KCNIP4: variants seen among roughly 807,000 people sequenced by gnomAD.
KCNIP4 encodes Kv channel-interacting protein 4.
Under a neutral mutation model 34.0 loss-of-function variants are expected in KCNIP4, and 12 were observed. That is an observed-to-expected ratio of 0.35 (90% CI 0.23 to 0.57). The LOEUF is 0.57. Ranked by LOEUF, KCNIP4 falls within the 20% of genes least tolerant of loss-of-function variation. KCNIP4 has a pLI of 0.83. For synonymous variants in KCNIP4, 124 were observed against 102.2 expected (o/e 1.21, Z -1.29); for missense variants, 238 against 311.7 (o/e 0.76, Z 1.78).
intron 1 of KCNIP4, among the ~76,000 whole-genome samples, chr4:21,225,911 C>T (rs1040612765): frequency 7.2e-5 from 11 of 152,066 alleles, no homozygotes; most frequent in African/African-American, 2.7e-4. Flanking sequence ...TGAAACCATA[C>T]TTATTATCAA....
intron 1 of KCNIP4, chr4:21,316,390 GA>G (rs1381823282): frequency 2.6e-5 from 4 of 152,194 alleles, no homozygotes; most frequent in African/African-American, 9.7e-5. Flanking sequence ...ATGCTATCTG[GA>G]GGGTACAAGG....
At chr4:21,252,219 C>T (rs1233015547) in intron 1 of KCNIP4, among the ~76,000 whole-genome samples, 1 of 151,198 alleles carries the variant, frequency 6.6e-6, no homozygotes, top group Non-Finnish European at 1.5e-5. Context: ...TCTCCGCCTC[C>T]CGAGTTCAAG....
rs532778422 is a variant in KCNIP4, at chr4:20,996,699, C to G, written c.62-113990G>C. Among the ~76,000 whole-genome samples the G allele has an allele frequency of 1.6e-4, 25 of 152,294 alleles. 1 individual carries two copies. Among genetic ancestry groups the G allele is most frequent in the African/African-American group, 5.5e-4 (23 of 41,562 alleles). ...TGTTTTTGTCACCACTCCCTGGTTC[C>G]TCTTGATCAAATTGCTGTTTTTTTA... is the stretch of plus-strand genomic sequence containing the variant. On this transcript the variant is annotated intron_variant, in intron 1 of 8. Coordinates refer to ENST00000382152, the MANE Select transcript of KCNIP4 (RefSeq NM_025221.6).
At chr4:21,108,822 G>A (rs1406856207) in intron 1 of KCNIP4, among the ~76,000 whole-genome samples, 1 of 152,156 alleles carries the variant, frequency 6.6e-6, no homozygotes, top group Non-Finnish European at 1.5e-5. Flanking sequence ...TGACAGACAG[G>A]ACCCTCAGCT....
Position 20,781,315 on chromosome 4 carries a change from T to C in KCNIP4, c.289-22425A>G, listed in dbSNP as rs993440404. On this transcript the variant is annotated intron_variant, in intron 3 of 8. Transcript: ENST00000382152. ...CACTAGATCTCTATTAAATCCCTAC[T>C]GTAAGCCAGGTACAAATAAATGAGA... Among the ~76,000 whole-genome samples, 10 of 152,336 alleles carry C rather than the reference T, an allele frequency of 6.6e-5. No homozygotes were observed. In the South Asian group the frequency reaches 2.1e-3, roughly 32 times the overall value.
intron 1 of KCNIP4, among the ~76,000 whole-genome samples, chr4:21,674,661 C>T (rs1749752429): frequency 6.6e-6 from 1 of 152,042 alleles, no homozygotes; most frequent in South Asian, 2.1e-4. Flanking sequence ...AACTTGTTCC[C>T]TTGTTCTTAT....
intron 1 of KCNIP4, among the ~76,000 whole-genome samples, chr4:21,564,614 T>C (rs1739698759): frequency 6.6e-6 from 1 of 152,062 alleles, no homozygotes; most frequent in South Asian, 2.1e-4. Context: ...TGTAATTCCG[T>C]GTCTTAGTCT....
intron 1 of KCNIP4, among the ~76,000 whole-genome samples, chr4:21,840,101 G>A (rs1488687121): frequency 6.6e-6 from 1 of 151,898 alleles, no homozygotes; most frequent in Non-Finnish European, 1.5e-5. Context: ...AAGCACCGCG[G>A]AGGTAAGTTC....
chr4:21,087,145 AATGTGTGTGTGTGTGTGTGTGT>A lies in KCNIP4; in HGVS notation c.62-204458_62-204437del, dbSNP rs1320984708. 9.3e-3 allele frequency among the ~76,000 whole-genome samples: 653 copies of A among 70,298 alleles called. 5 individuals are homozygous for A. Among genetic ancestry groups the A allele is most frequent in the African/African-American group, 0.03 (621 of 20,404 alleles). The allele number at this position is 70,298 out of a possible 152,430, so 46.1% of individuals were successfully genotyped here. A position where few individuals can be genotyped will look rare whatever the true frequency, so the allele number is the denominator to read the frequency against. ...CAGGCATGCACCACCACTGCTGGGT[AATGTGTGTGTGTGTGTGTGTGT>A]GTGTGTGTGTGTGTGTGTGTGTGTT... is the stretch of plus-strand genomic sequence containing the variant. On this transcript the variant is annotated intron_variant, in intron 1 of 8. Transcript: ENST00000382152.
chr4:21,702,399 C>T (rs1014653183), intron 1 of KCNIP4, among the ~76,000 whole-genome samples: 9 of 151,996 alleles, frequency 5.9e-5, no homozygotes, highest in South Asian at 2.1e-4. Flanking sequence ...TGAGAGGTTA[C>T]GACTTTACAT....
At chr4:21,557,856 C>T (rs765432059) in intron 1 of KCNIP4, among the ~76,000 whole-genome samples, 4 of 152,174 alleles carry the variant, frequency 2.6e-5, no homozygotes, top group South Asian at 2.1e-4. Flanking sequence ...AAACAACTTA[C>T]GAAGGAAGAT....
chr4:21,683,810 C>T (rs1750592898), intron 1 of KCNIP4, among the ~76,000 whole-genome samples: 1 of 152,044 alleles, frequency 6.6e-6, no homozygotes, highest in Admixed American at 6.6e-5. Context: ...AGCTGGAGGT[C>T]ATTATCCTTA....
chr4:21,064,408 A>C (rs1744178410), intron 1 of KCNIP4, among the ~76,000 whole-genome samples: 1 of 152,076 alleles, frequency 6.6e-6, no homozygotes, highest in Admixed American at 6.6e-5. Flanking sequence ...TCACAGGAAA[A>C]AAAAAAAAAG....
At chr4:20,795,022 T>G (rs1363433893) in intron 3 of KCNIP4, among the ~76,000 whole-genome samples, 1 of 152,222 alleles carries the variant, frequency 6.6e-6, no homozygotes, top group African/African-American at 2.4e-5. Flanking sequence ...GTGGGACTTT[T>G]GCAGTAATTT....
intron 1 of KCNIP4, among the ~76,000 whole-genome samples, chr4:21,906,378 G>A (rs541166579): frequency 8.7e-4 from 133 of 152,246 alleles, no homozygotes; most frequent in African/African-American, 2.8e-3. Flanking sequence ...GAGGAAAAGC[G>A]AACGTGAAGA....
chr4:21,557,091 C>T (rs1739127821), intron 1 of KCNIP4, among the ~76,000 whole-genome samples: 1 of 151,938 alleles, frequency 6.6e-6, no homozygotes, highest in Non-Finnish European at 1.5e-5. Flanking sequence ...GCATATCTTC[C>T]AGTAGTGGGT....
At chr4:21,236,917 A>C (rs1004718010) in intron 1 of KCNIP4, among the ~76,000 whole-genome samples, 1 of 151,746 alleles carries the variant, frequency 6.6e-6, no homozygotes, top group Non-Finnish European at 1.5e-5. Flanking sequence ...TGAGGCAGAG[A>C]ATTGCTTGAA....
intron 1 of KCNIP4, among the ~76,000 whole-genome samples, chr4:21,417,285 GT>G (rs1725037055): frequency 6.6e-6 from 1 of 152,078 alleles, no homozygotes; most frequent in Admixed American, 6.6e-5. Flanking sequence ...GTGTGTGTGT[GT>G]GTGTGTGTCT....
intron 1 of KCNIP4, among the ~76,000 whole-genome samples, chr4:21,565,956 CA>C (rs1560521212): frequency 6.6e-6 from 1 of 151,480 alleles, no homozygotes; most frequent in Non-Finnish European, 1.5e-5. Context: ...CCAGATAGCA[CA>C]AAAAAAGAAG....
Sources: allele counts gnomAD v4.1 joint callset (sites outside exome capture counted in the v4.1 genomes callset), GRCh38; gene constraint gnomAD v4.1.1; transcripts MANE v1.5; gene names NCBI Gene and HGNC (gene_info 2026-07-23, HGNC 2026-07-21).